The following ZFHX2 variants were observed in gnomAD, a reference collection of about 807,000 sequenced individuals.
The protein encoded by ZFHX2 is zinc finger homeobox protein 2.
In ZFHX2, 75 loss-of-function variants were observed where a neutral mutation model predicts 164.8. The observed-to-expected ratio is 0.46, with a 90% confidence interval of 0.38 to 0.55. The LOEUF is 0.55. Among genes scored for constraint, ZFHX2 ranks in the 20% least tolerant of loss-of-function variants. The pLI is 0.00. For synonymous variants in ZFHX2, 1,217 were observed against 1,351.4 expected (o/e 0.90, Z 2.18); for missense variants, 2,933 against 3,308.0 (o/e 0.89, Z 2.78).
Position 23,521,405 on chromosome 14 carries a change from T to C in ZFHX2, c.*557A>G, listed in dbSNP as rs776621160. ...TGGAAAGAGTTTGTGAGCGGTGTGG[T>C]GCTCTAGACAAAGGGTTAGGAAGGA... On this transcript the variant is annotated 3_prime_UTR_variant, in exon 10 of 10. Transcript: ENST00000419474. The C allele has an allele frequency of 6.6e-6, 1 of 152,614 alleles. No homozygotes were observed. The highest frequency in any genetic ancestry group is 1.5e-5 in the Non-Finnish European group (1 of 68,328). The allele number at this position is 152,614 out of a possible 1,614,324, so 9.5% of individuals were successfully genotyped here.
rs551915539 is a variant in ZFHX2 at position 23,546,056 on chromosome 14, C to T, written c.-50+5287G>A. On this transcript the variant is annotated intron_variant, in intron 1 of 9. Coordinates refer to ENST00000419474, the MANE Select transcript of ZFHX2 (RefSeq NM_033400.3). This position sits in a 1 kb window ranked among gnomAD's most constrained non-coding sequence, Gnocchi z 4.7. ...CAGTTAGCTATGACTGGAGGAGGCACTAGGGAAATGTGCATACATGAAGTT... is the reference window on the plus strand; with the variant it reads ...CAGTTAGCTATGACTGGAGGAGGCATTAGGGAAATGTGCATACATGAAGTT... Among the ~76,000 whole-genome samples, 2 of 152,324 alleles carry T rather than the reference C, an allele frequency of 1.3e-5. No homozygotes were observed. The highest frequency in any genetic ancestry group is 4.1e-4 in the South Asian group (2 of 4,832).
rs149254149 is a variant in ZFHX2, at chr14:23,531,319, C to T, written c.2800+162G>A. On this transcript the variant is annotated intron_variant, in intron 4 of 9. Coordinates refer to ENST00000419474, the MANE Select transcript of ZFHX2 (RefSeq NM_033400.3). ...AAGGTAGCCTCCACAGTGCCTGACACGCTCATTCTGTCTTATCCCTTCGCA... is the reference window on the plus strand; with the variant it reads ...AAGGTAGCCTCCACAGTGCCTGACATGCTCATTCTGTCTTATCCCTTCGCA... The T allele has an allele frequency of 9.4e-4, 1,023 of 1,090,998 alleles. 7 individuals carry two copies. The African/African-American group carries it at 0.011, about 12-fold the overall frequency. 67.6% of individuals were successfully genotyped at this position (1,090,998 alleles called of 1,614,324 possible). A position where few individuals can be genotyped will look rare whatever the true frequency, so the allele number is the denominator to read the frequency against.
rs1881454237 is a variant in ZFHX2, at chr14:23,546,956, C to G, written c.-50+4387G>C. On this transcript the variant is annotated intron_variant, in intron 1 of 9. Transcript: ENST00000419474. The surrounding 1 kb of genome is among the most constrained non-coding windows in gnomAD (Gnocchi z 4.7). The stretch of plus-strand genomic sequence containing the variant: ...CCTCCAGCACTCCCAGCTCTCTCCC[C>G]TGTCTTCTTTTGTAGATTTCTCAAC... Among the ~76,000 whole-genome samples the G allele has an allele frequency of 6.6e-6, 1 of 152,194 alleles. No homozygotes were observed. Among genetic ancestry groups the G allele is most frequent in the South Asian group, 2.1e-4 (1 of 4,824 alleles).
chr14:23,524,804 T>C lies in ZFHX2; in HGVS notation c.5138A>G (p.Glu1713Gly). 6.5e-7 allele frequency: 1 copy of C among 1,536,850 alleles called. No homozygotes were observed. Among genetic ancestry groups the C allele is most frequent in the Non-Finnish European group, 8.7e-7 (1 of 1,147,072 alleles). Reference sequence around the variant, plus strand: ...CTCCTCTACTTCTTCTTCTTCCACCTCTTCCTCCTCTTCCCCTCTCTCTGC... The same window carrying C: ...CTCCTCTACTTCTTCTTCTTCCACCCCTTCCTCCTCTTCCCCTCTCTCTGC... Reference protein sequence around the residue: ...EEAERGEEEEEVEEEEVEEEQ... With the variant: ...EEAERGEEEEGVEEEEVEEEQ... Residue 1713 changes from glutamate to glycine, a missense_variant, in exon 9 of 10, where the codon GAG becomes GGG. Transcript: ENST00000419474. The surrounding 1 kb of genome is among the most constrained non-coding windows in gnomAD (Gnocchi z 5.6).
rs764058815 is a variant in ZFHX2, at chr14:23,525,633, G to A, written c.4309C>T (p.Arg1437Cys). The change falls in exon 9 of 10, where the codon CGC becomes TGC. Residue 1437 changes from arginine to cysteine, a missense_variant. Coordinates refer to ENST00000419474, the MANE Select transcript of ZFHX2 (RefSeq NM_033400.3). The surrounding 1 kb of genome is among the most constrained non-coding windows in gnomAD (Gnocchi z 5.9). ...TCTAGAAGGGCTTTGGCTGCAGTGC[G>A]GGCAGCCTCGTTGGGCAATGGGTCG... ...PPDPLPNEAA[R>C]TAAKALLENF... The A allele has an allele frequency of 8.5e-6, 13 of 1,535,766 alleles. No homozygotes were observed. Among genetic ancestry groups the A allele is most frequent in the African/African-American group, 2.7e-5 (2 of 73,030 alleles).
In ZFHX2 at chr14:23,533,736, G is replaced by C. The variant is rs1449961003; in HGVS notation, c.1590C>G (p.Asp530Glu). The C allele has an allele frequency of 6.4e-7, 1 of 1,555,114 alleles. No homozygotes were observed. The highest frequency in any genetic ancestry group is 8.6e-7 in the Non-Finnish European group (1 of 1,157,108). Residue 530 changes from aspartate (D) to glutamate (E), a missense_variant, in exon 2 of 10, where the codon GAC (aspartate) becomes GAG (glutamate). Coordinates refer to ENST00000419474, the MANE Select transcript of ZFHX2 (RefSeq NM_033400.3). The surrounding 1 kb of genome is among the most constrained non-coding windows in gnomAD (Gnocchi z 4.8). ...AGCCCTGTAGGTTGGCCAGGTGCTTGTCAGACTGCATATGGATGCTGAGGT... is the reference window on the plus strand; with the variant it reads ...AGCCCTGTAGGTTGGCCAGGTGCTTCTCAGACTGCATATGGATGCTGAGGT... Reference protein sequence around the residue: ...KGNLSIHMQSDKHLANLQGFQ... With the variant: ...KGNLSIHMQSEKHLANLQGFQ...
chr14:23,537,738 GT>G (rs1191899603), intron 1 of ZFHX2, among the ~76,000 whole-genome samples: 4 of 152,204 alleles, frequency 2.6e-5, no homozygotes, highest in African/African-American at 9.7e-5. Context: ...AAGCCCTCAA[GT>G]TGAGGGAGAA....
upstream of ZFHX2, among the ~76,000 whole-genome samples, chr14:23,554,017 C>T (rs80290179): frequency 6.2e-4 from 79 of 127,300 alleles, no homozygotes; most frequent in Admixed American, 6.9e-4. Flanking sequence ...TGAGCTGAGA[C>T]GCCAGAGTGA....
Position 23,526,411 on chromosome 14 carries a change from G to A in ZFHX2, c.3531C>T (p.Thr1177=). 2 of 1,536,280 alleles carry A rather than the reference G, an allele frequency of 1.3e-6. No individual in the cohort carries two copies. The highest frequency in any genetic ancestry group is 1.7e-6 in the Non-Finnish European group (2 of 1,146,782). ...CGAGAAACTTGTCCAGGGCAAAGTT[G>A]GTGGTTTTCCGATAGGTCAGAGGGT... ...SRHPLTYRKT[T]NFALDKFLDP... is the part of the protein sequence containing the mutation. Residue 1177 remains threonine (T), a synonymous_variant, in exon 9 of 10, where the codon ACC becomes ACT. Transcript: ENST00000419474.
chr14:23,529,992 C>T, intron 5 of ZFHX2, 128 bp downstream of exon 5: 1 of 1,080,644 alleles, frequency 9.3e-7, no homozygotes. Context: ...TCCCTTCCCC[C>T]TGATGAGCCC....
chr14:23,537,157 CA>C (rs1880255915), intron 1 of ZFHX2, among the ~76,000 whole-genome samples: 3 of 151,234 alleles, frequency 2.0e-5, no homozygotes, highest in Non-Finnish European at 2.9e-5. Flanking sequence ...TCCGTCTCAC[CA>C]AAAAAACAGA....
At chr14:23,530,322 G>C (rs1879372590) in intron 4 of ZFHX2, 128 bp from the exon 5 acceptor site, 1 of 760,742 alleles carries the variant, frequency 1.3e-6, no homozygotes, top group Non-Finnish European at 2.3e-6. Context: ...TCAGCAGGTA[G>C]GAGAGTATGA....
upstream of ZFHX2, chr14:23,551,794 C>T (rs987145075): frequency 6.6e-6 from 1 of 152,644 alleles, no homozygotes; most frequent in African/African-American, 2.4e-5. The surrounding 1 kb of genome is among the most constrained non-coding windows in gnomAD (Gnocchi z 5.3). Context: ...CGGGGCTGCC[C>T]CACTGAGCAG....
chr14:23,529,649 G>A (rs1303499195), intron 6 of ZFHX2, 61 bp downstream of exon 6: 1 of 1,419,048 alleles, frequency 7.0e-7, no homozygotes, highest in Admixed American at 2.0e-5. Flanking sequence ...TTTAGAATAT[G>A]AGCAGATCTC....
intron 7 of ZFHX2, 129 bp downstream of exon 7, chr14:23,527,473 AAC>A (rs1878886776): frequency 2.5e-6 from 3 of 1,215,850 alleles, no homozygotes; most frequent in Admixed American, 2.1e-5. Context: ...TCACCCAGCC[AAC>A]ACACGCACTT....
At chr14:23,538,396 C>T (rs979528382) in intron 1 of ZFHX2, among the ~76,000 whole-genome samples, 8 of 151,726 alleles carry the variant, frequency 5.3e-5, no homozygotes, top group African/African-American at 1.2e-4. Flanking sequence ...TTAGCTGCAG[C>T]GATTATTTTT....
intron 6 of ZFHX2, chr14:23,528,576 C>T: frequency 1.0e-6 from 1 of 984,056 alleles, no homozygotes; most frequent in South Asian, 4.7e-5. Flanking sequence ...CAGAGGCTCC[C>T]TTGTCCCTGC....
At position 23,533,605 on chromosome 14, in the gene ZFHX2, C is replaced by T. The variant is rs1008998774; in HGVS notation, c.1721G>A (p.Cys574Tyr). Residue 574 changes from cysteine (C) to tyrosine (Y), a missense_variant, in exon 2 of 10, where the codon TGC (cysteine) becomes TAC (tyrosine). Cys to Tyr is a radical substitution (Grantham distance 194). Transcript: ENST00000419474. The surrounding 1 kb of genome is among the most constrained non-coding windows in gnomAD (Gnocchi z 4.8). ...KTKSSWQCKV[C>Y]SYETNISRNL... is the part of the protein sequence containing the mutation. ...ACGGGAGATGTTTGTCTCGTAGCTGCACACCTTGCACTGCCAGGATGATTT... is the reference window on the plus strand; with the variant it reads ...ACGGGAGATGTTTGTCTCGTAGCTGTACACCTTGCACTGCCAGGATGATTT... 1 of 1,536,794 alleles carries T rather than the reference C, an allele frequency of 6.5e-7. No individual in the cohort carries two copies. Among genetic ancestry groups the T allele is most frequent in the Admixed American group, 2.0e-5 (1 of 51,014 alleles).
chr14:23,544,980 T>A (rs544417498), intron 1 of ZFHX2, among the ~76,000 whole-genome samples: 1 of 152,144 alleles, frequency 6.6e-6, no homozygotes, highest in Non-Finnish European at 1.5e-5. Flanking sequence ...CATGTCTCCC[T>A]TCCCGCTTCT....
Sources: gnomAD v4.1 joint callset for allele counts (sites outside exome capture counted in the v4.1 genomes callset) on GRCh38, gnomAD v4.1.1 for gene constraint, Gnocchi (gnomAD v3.1) non-coding constraint, MANE v1.5 for transcripts, NCBI Gene and HGNC (gene_info 2026-07-23, HGNC 2026-07-21) for gene names.